The following GPC6 variants were observed in gnomAD, a reference collection of about 807,000 sequenced individuals.
The protein encoded by GPC6 is glypican 6, also known as glypican-6.
GPC6 carries 14 observed loss-of-function variants against 55.2 expected under a neutral mutation model. The ratio of observed to expected loss-of-function variants is 0.25; its 90% CI spans 0.17 to 0.40. The LOEUF is 0.40. Ranked by LOEUF, GPC6 falls within the 10% of genes least tolerant of loss-of-function variation. The pLI is 1.00. For synonymous variants in GPC6, 278 were observed against 259.6 expected (o/e 1.07, Z -0.68); for missense variants, 641 against 708.5 (o/e 0.90, Z 1.08).
intron 2 of GPC6, among the ~76,000 whole-genome samples, chr13:93,630,337 T>A (rs1390511321): frequency 6.6e-6 from 1 of 152,186 alleles, no homozygotes; most frequent in Non-Finnish European, 1.5e-5. Flanking sequence ...TCTAGCCTTG[T>A]CCAACTTCTA....
At chr13:94,030,597 A>C (rs1258527158) in intron 4 of GPC6, among the ~76,000 whole-genome samples, 2 of 152,170 alleles carry the variant, frequency 1.3e-5, no homozygotes, top group African/African-American at 4.8e-5. Flanking sequence ...GTAATCCAAC[A>C]AAAATTATAT....
chr13:93,895,234 G>GTGTGTGTGTGTA (rs1196315147), intron 3 of GPC6, among the ~76,000 whole-genome samples: 3 of 108,208 alleles, frequency 2.8e-5, no homozygotes, highest in African/African-American at 1.1e-4. Flanking sequence ...GTGTGTGTGT[G>GTGTGTGTGTGTA]TATATATATA....
intron 2 of GPC6, among the ~76,000 whole-genome samples, chr13:93,740,179 C>A (rs779072684): frequency 8.8e-6 from 1 of 113,866 alleles, no homozygotes; most frequent in Non-Finnish European, 1.6e-5. Context: ...ACTATAGCAA[C>A]GGCACATTGT....
chr13:93,289,976 T>C (rs1878265431), intron 1 of GPC6, among the ~76,000 whole-genome samples: 1 of 152,184 alleles, frequency 6.6e-6, no homozygotes, highest in Non-Finnish European at 1.5e-5. Flanking sequence ...GTTAGTATCA[T>C]CACTTGAACA....
chr13:94,077,724 T>C (rs1027722172), intron 4 of GPC6, among the ~76,000 whole-genome samples: 5 of 151,806 alleles, frequency 3.3e-5, no homozygotes, highest in Non-Finnish European at 7.4e-5. Flanking sequence ...TTTATGGAGA[T>C]GATAATATGC....
chr13:93,957,198 A>T (rs925225136), intron 3 of GPC6, among the ~76,000 whole-genome samples: 39 of 152,324 alleles, frequency 2.6e-4, no homozygotes, highest in African/African-American at 7.7e-4. Context: ...TTACTATTTA[A>T]ATATTAATAG....
At chr13:94,359,128 T>C (rs939056207) in intron 6 of GPC6, among the ~76,000 whole-genome samples, 7 of 152,170 alleles carry the variant, frequency 4.6e-5, no homozygotes, top group Admixed American at 4.6e-4. Flanking sequence ...GGAAAAAACA[T>C]TGAGAAACCC....
intron 4 of GPC6, among the ~76,000 whole-genome samples, chr13:94,087,748 T>C (rs1456274964): frequency 1.3e-5 from 2 of 152,222 alleles, no homozygotes; most frequent in Non-Finnish European, 2.9e-5. Context: ...GAATGAGACA[T>C]GTTCCACAGT....
chr13:93,999,352 A>T (rs972662766), intron 3 of GPC6, among the ~76,000 whole-genome samples: 1 of 152,194 alleles, frequency 6.6e-6, no homozygotes, highest in African/African-American at 2.4e-5. Context: ...CCTGTAAAGG[A>T]CATGAACTCA....
At chr13:93,395,505 G>T in intron 1 of GPC6, 1 of 177,348 alleles carries the variant, frequency 5.6e-6, no homozygotes. Flanking sequence ...TCATTTCTTA[G>T]GTGGCATTCT....
At chr13:93,758,233 A>G (rs528240579) in intron 2 of GPC6, among the ~76,000 whole-genome samples, 13 of 152,308 alleles carry the variant, frequency 8.5e-5, no homozygotes, top group East Asian at 7.7e-4. Flanking sequence ...AAAATAAACA[A>G]AAAGAGGCAA....
intron 1 of GPC6, among the ~76,000 whole-genome samples, chr13:93,520,654 A>G (rs1566401884): frequency 2.6e-5 from 4 of 152,086 alleles, no homozygotes; most frequent in Admixed American, 2.0e-4. Context: ...CTTTAATAGC[A>G]TGTTCTTTTG....
intron 3 of GPC6, among the ~76,000 whole-genome samples, chr13:93,965,401 A>G (rs1379345550): frequency 6.6e-6 from 1 of 151,806 alleles, no homozygotes. Flanking sequence ...ACAGAGCAAG[A>G]CTCCATCTCA....
At chr13:94,256,253 C>T (rs1566600479) in intron 4 of GPC6, among the ~76,000 whole-genome samples, 1 of 152,060 alleles carries the variant, frequency 6.6e-6, no homozygotes, top group Non-Finnish European at 1.5e-5. Context: ...GTTCCTGTAA[C>T]AGGGCAGGGG....
At chr13:93,642,073 G>A (rs1879972026) in intron 2 of GPC6, among the ~76,000 whole-genome samples, 1 of 151,992 alleles carries the variant, frequency 6.6e-6, no homozygotes, top group African/African-American at 2.4e-5. Context: ...TGATATTGAG[G>A]TTTGGGGTGT....
chr13:94,071,657 T>G (rs1044952054), intron 4 of GPC6, among the ~76,000 whole-genome samples: 4 of 152,220 alleles, frequency 2.6e-5, no homozygotes, highest in Admixed American at 6.5e-5. Flanking sequence ...CTTTCCTTAG[T>G]GTAAAACTTC....
chr13:93,909,656 C>G lies in GPC6; in HGVS notation c.711+79111C>G, dbSNP rs796738117. Reference sequence around the variant, plus strand: ...GGAGATCCTAGTTATTGGCACCAGCCCCTTTAATTTGACCCATGATTGGGT... The same window carrying G: ...GGAGATCCTAGTTATTGGCACCAGCGCCTTTAATTTGACCCATGATTGGGT... On this transcript the variant is annotated intron_variant, in intron 3 of 8. Coordinates refer to ENST00000377047, the MANE Select transcript of GPC6 (RefSeq NM_005708.5). Among the ~76,000 whole-genome samples the G allele has an allele frequency of 7.0e-4, 106 of 152,002 alleles. 1 individual carries two copies. Among genetic ancestry groups the G allele is most frequent in the African/African-American group, 2.5e-3 (103 of 41,446 alleles).
rs149053946 is a variant in GPC6, at chr13:93,665,647, A to C, written c.319+120226A>C. 2.2e-3 allele frequency among the ~76,000 whole-genome samples: 332 copies of C among 152,330 alleles called. 2 individuals are homozygous for C. The highest frequency in any genetic ancestry group is 7.5e-3 in the African/African-American group (312 of 41,578). ...TGTCTTATAGTAAAGGATAGCATTT[A>C]ATGAAAGCTGTTGCTAAGAGAAAAA... On this transcript the variant is annotated intron_variant, in intron 2 of 8. Transcript: ENST00000377047.
At position 93,956,275 on chromosome 13, in the gene GPC6, A is replaced by T. The variant is rs578000383; in HGVS notation, c.712-71454A>T. Among the ~76,000 whole-genome samples, 4 of 152,270 alleles carry T rather than the reference A, an allele frequency of 2.6e-5. No individual in the cohort carries two copies. The East Asian group carries it at 7.7e-4, about 29-fold the overall frequency. ...CAATTCTGCAAGCAAGGTACATAGT[A>T]CATAATACATAATACTTAATGATTA... On this transcript the variant is annotated intron_variant, in intron 3 of 8. Coordinates refer to ENST00000377047, the MANE Select transcript of GPC6 (RefSeq NM_005708.5).
Sources: allele counts gnomAD v4.1 joint callset (sites outside exome capture counted in the v4.1 genomes callset), GRCh38; gene constraint gnomAD v4.1.1; transcripts MANE v1.5; gene names NCBI Gene and HGNC (gene_info 2026-07-23, HGNC 2026-07-21).